The following PEX7 variants were observed in gnomAD, a reference collection of about 807,000 sequenced individuals.
PEX7 encodes PTS2 receptor.
Under a neutral mutation model 47.5 loss-of-function variants are expected in PEX7, and 34 were observed. That is an observed-to-expected ratio of 0.72 (90% CI 0.54 to 0.95). PEX7 has a LOEUF of 0.95. PEX7 is among the 40% of genes least tolerant of loss of function. The pLI is 0.00. For synonymous variants in PEX7, 141 were observed against 148.8 expected (o/e 0.95, Z 0.38); for missense variants, 394 against 400.3 (o/e 0.98, Z 0.13).
chr6:136,849,012 AT>A (rs1179779466), intron 5 of PEX7, among the ~76,000 whole-genome samples: 1 of 152,178 alleles, frequency 6.6e-6, no homozygotes, highest in Non-Finnish European at 1.5e-5. Flanking sequence ...GCTATTAATT[AT>A]TGCCTCAATT....
intron 8 of PEX7, among the ~76,000 whole-genome samples, chr6:136,892,251 GA>G (rs1265611480): frequency 6.6e-6 from 1 of 152,162 alleles, no homozygotes; most frequent in Non-Finnish European, 1.5e-5. Context: ...TTTGGCTTAT[GA>G]AATTCTTTCT....
Position 136,849,808 on chromosome 6 carries a change from G to T in PEX7, c.526+3627G>T, listed in dbSNP as rs1464163401. ...AGTTTTGGAATAAGTGTGATGTGGTGCTGAGAAGAATGTATATTCAGTTGA... is the reference window on the plus strand; with the variant it reads ...AGTTTTGGAATAAGTGTGATGTGGTTCTGAGAAGAATGTATATTCAGTTGA... On this transcript the variant is annotated intron_variant, in intron 5 of 9. Transcript: ENST00000318471. 2.0e-5 allele frequency among the ~76,000 whole-genome samples: 3 copies of T among 152,186 alleles called. No individual in the cohort carries two copies. In the South Asian group the frequency reaches 6.2e-4, roughly 32 times the overall value.
At chr6:136,912,779 A>G (rs929724308) in intron 9 of PEX7, among the ~76,000 whole-genome samples, 6 of 152,218 alleles carry the variant, frequency 3.9e-5, no homozygotes, top group African/African-American at 1.4e-4. Flanking sequence ...TGGTTTTCAT[A>G]TATTAATTTT....
At chr6:136,865,841 T>C (rs1371878434) in intron 5 of PEX7, among the ~76,000 whole-genome samples, 2 of 151,712 alleles carry the variant, frequency 1.3e-5, no homozygotes, top group Admixed American at 6.6e-5. Context: ...TCCCAACACT[T>C]TGGGAGGCTG....
intron 5 of PEX7, among the ~76,000 whole-genome samples, chr6:136,861,669 T>C (rs1259740434): frequency 6.6e-6 from 1 of 151,820 alleles, no homozygotes; most frequent in Non-Finnish European, 1.5e-5. Context: ...TGCCTGCAAG[T>C]GATAGAACTG....
chr6:136,884,685 T>C (rs1775437808), intron 8 of PEX7, among the ~76,000 whole-genome samples: 1 of 152,182 alleles, frequency 6.6e-6, no homozygotes, highest in African/African-American at 2.4e-5. Context: ...TTTACCTCTG[T>C]AGTAGCTCAT....
At chr6:136,907,835 GTATT>G (rs951857675) in intron 9 of PEX7, among the ~76,000 whole-genome samples, 38 of 152,100 alleles carry the variant, frequency 2.5e-4, no homozygotes, top group African/African-American at 9.2e-4. Flanking sequence ...AATTTTACAC[GTATT>G]TAAAGTGTTG....
At chr6:136,852,506 T>C (rs1232938492) in intron 5 of PEX7, among the ~76,000 whole-genome samples, 5 of 41,258 alleles carry the variant, frequency 1.2e-4, no homozygotes, top group African/African-American at 4.2e-4. Context: ...AGCATTCTTA[T>C]ACACCAACAA....
intron 3 of PEX7, among the ~76,000 whole-genome samples, chr6:136,832,085 C>T (rs1456468163): frequency 6.6e-6 from 1 of 152,256 alleles, no homozygotes; most frequent in East Asian, 1.9e-4. Flanking sequence ...ATGAGGGCTC[C>T]TCCCTTGCAG....
chr6:136,846,116 A>T lies in PEX7; in HGVS notation c.461A>T (p.His154Leu), dbSNP rs1774594213. Residue 154 changes from histidine (H) to leucine (L), a missense_variant, in exon 5 of 10, where the codon CAT becomes CTT. His to Leu is a moderately conservative substitution (Grantham distance 99). Transcript: ENST00000318471. ...VGKSLCTFRG[H>L]ESIIYSTIWS... ...AAGTCTCTGTGCACCTTTAGAGGCC[A>T]TGAAAGTATTATTTATAGCACAATC... is the stretch of plus-strand genomic sequence containing the variant. The T allele has an allele frequency of 1.2e-6, 2 of 1,613,640 alleles. No individual in the cohort carries two copies. The highest frequency in any genetic ancestry group is 1.3e-5 in the African/African-American group (1 of 74,916).
At chr6:136,848,197 T>C (rs1378880038) in intron 5 of PEX7, among the ~76,000 whole-genome samples, 3 of 152,240 alleles carry the variant, frequency 2.0e-5, no homozygotes, top group Non-Finnish European at 1.5e-5. Flanking sequence ...ATTGATTTTG[T>C]ATCCTGAGAC....
intron 3 of PEX7, among the ~76,000 whole-genome samples, chr6:136,829,811 A>G (rs1190420144): frequency 1.3e-5 from 2 of 152,136 alleles, no homozygotes; most frequent in African/African-American, 4.8e-5. Flanking sequence ...GGTGGTGCAC[A>G]CCTGTAGTCC....
intron 3 of PEX7, among the ~76,000 whole-genome samples, chr6:136,841,949 TC>T (rs1465435847): frequency 2.0e-5 from 3 of 150,954 alleles, no homozygotes; most frequent in Non-Finnish European, 3.0e-5. Flanking sequence ...TTAGTTCCTT[TC>T]CCATGTCCTA....
At chr6:136,826,739 G>A (rs1452033424) in intron 3 of PEX7, among the ~76,000 whole-genome samples, 1 of 152,132 alleles carries the variant, frequency 6.6e-6, no homozygotes, top group African/African-American at 2.4e-5. Context: ...TTCCTCCTGA[G>A]AGGCCCATCA....
At chr6:136,826,913 A>C (rs1162546562) in intron 3 of PEX7, among the ~76,000 whole-genome samples, 3 of 152,220 alleles carry the variant, frequency 2.0e-5, no homozygotes, top group Non-Finnish European at 2.9e-5. Flanking sequence ...AGTATGAGGC[A>C]GAACTTACTG....
intron 3 of PEX7, among the ~76,000 whole-genome samples, chr6:136,835,444 G>A (rs1044077144): frequency 1.3e-5 from 2 of 151,766 alleles, no homozygotes; most frequent in South Asian, 4.2e-4. Flanking sequence ...GTGTGCCACC[G>A]TGCTTGGCTG....
chr6:136,837,815 C>T (rs868099964), intron 3 of PEX7, among the ~76,000 whole-genome samples: 4,368 of 87,010 alleles, frequency 0.05, 105 homozygotes, highest in Middle Eastern at 0.087. Context: ...TTAAACGCCA[C>T]ACACACACAC....
chr6:136,850,354 T>G (rs1774720831), intron 5 of PEX7, among the ~76,000 whole-genome samples: 1 of 152,270 alleles, frequency 6.6e-6, no homozygotes, highest in Admixed American at 6.5e-5. Flanking sequence ...TTTAGCCCAT[T>G]TACATTTAAG....
At chr6:136,833,055 C>T (rs937990083) in intron 3 of PEX7, among the ~76,000 whole-genome samples, 1 of 152,170 alleles carries the variant, frequency 6.6e-6, no homozygotes, top group African/African-American at 2.4e-5. Context: ...ACCTCACTAT[C>T]CTGGTACCAA....
Sources: gnomAD v4.1 joint callset for allele counts (sites outside exome capture counted in the v4.1 genomes callset) on GRCh38, gnomAD v4.1.1 for gene constraint, MANE v1.5 for transcripts, NCBI Gene and HGNC (gene_info 2026-07-23, HGNC 2026-07-21) for gene names.